Variants in LRRC40 observed in about 807,000 individuals in gnomAD.
The protein encoded by LRRC40 is leucine rich repeat containing 40.
Under a neutral mutation model 72.8 loss-of-function variants are expected in LRRC40, and 76 were observed. That is an observed-to-expected ratio of 1.04 (90% CI 0.87 to 1.26). LRRC40 has a LOEUF of 1.26. Ranked by LOEUF, LRRC40 falls within the 50% of genes most tolerant of loss-of-function variation. The probability of loss-of-function intolerance (pLI) is 0.00; values close to 1 mark genes in which losing one functional copy is unlikely to be tolerated. For synonymous variants in LRRC40, 243 were observed against 254.2 expected, an observed-to-expected ratio of 0.96 and a Z score of 0.42; for missense variants, 684 against 698.9, an observed-to-expected ratio of 0.98 and a Z score of 0.24.
intron 1 of LRRC40, among the ~76,000 whole-genome samples, chr1:70,192,653 T>C (rs1383309481): frequency 2.6e-5 from 4 of 152,172 alleles, no homozygotes; most frequent in African/African-American, 9.6e-5. Flanking sequence ...AACAAGATCA[T>C]GCCTTTTTCA....
intron 1 of LRRC40, among the ~76,000 whole-genome samples, chr1:70,197,266 A>G: frequency 6.6e-6 from 1 of 151,394 alleles, no homozygotes; most frequent in African/African-American, 2.4e-5. Flanking sequence ...GGGGAGGAAG[A>G]TGTATAGATG....
At position 70,145,729 on chromosome 1, in the gene LRRC40, C is replaced by T. The variant is rs1252995530; in HGVS notation, c.*71G>A. 2 of 769,808 alleles carry T rather than the reference C, an allele frequency of 2.6e-6. No homozygotes were observed. Among genetic ancestry groups the T allele is most frequent in the East Asian group, 2.7e-5 (1 of 37,370 alleles). The allele number at this position is 769,808 out of a possible 1,614,324, so 47.7% of individuals were successfully genotyped here. A position where few individuals can be genotyped will look rare whatever the true frequency, so the allele number is the denominator to read the frequency against. ...ATCACCTTTTAAGATGATACTAAAA[C>T]AAATGTTACATCCTCCTTAGAATTA... On this transcript the variant is annotated 3_prime_UTR_variant, in exon 15 of 15. Coordinates refer to ENST00000370952, the MANE Select transcript of LRRC40 (RefSeq NM_017768.5).
At chr1:70,173,309 T>C (rs181080100) in intron 9 of LRRC40, among the ~76,000 whole-genome samples, 156 bp downstream of exon 9, 2 of 152,198 alleles carry the variant, frequency 1.3e-5, no homozygotes, top group Admixed American at 6.5e-5. Flanking sequence ...AACCTCAGCA[T>C]ACTTACAGAC....
rs764615988 is a variant in LRRC40 at position 70,189,266 on chromosome 1, C to T, written c.159G>A (p.Gln53=). The T allele has an allele frequency of 6.3e-7, 1 of 1,577,654 alleles. No homozygotes were observed. Among genetic ancestry groups the T allele is most frequent in the Non-Finnish European group, 8.6e-7 (1 of 1,158,106 alleles). Residue 53 remains glutamine (Q), a synonymous_variant, in exon 2 of 15, where the codon CAG becomes CAA. Transcript: ENST00000370952. ...LSGRNLSEVP[Q]CVWRINVDIP... ...TATCCACATTTATTCTCCAGACACA[C>T]TGCGGCACTAGTTCCATCAGCACCA...
At chr1:70,166,873 T>TA (rs1667891853) in intron 9 of LRRC40, among the ~76,000 whole-genome samples, 1 of 149,090 alleles carries the variant, frequency 6.7e-6, no homozygotes. Context: ...AATCCTGTTC[T>TA]AAAAAAATTT....
intron 1 of LRRC40, among the ~76,000 whole-genome samples, chr1:70,194,094 AAAG>A (rs1668558701): frequency 6.6e-6 from 1 of 152,088 alleles, no homozygotes; most frequent in African/African-American, 2.4e-5. Flanking sequence ...AGTAAGACAA[AAAG>A]AAGAAAAAGA....
chr1:70,197,421 G>A (rs1255870690), intron 1 of LRRC40, among the ~76,000 whole-genome samples: 1 of 151,888 alleles, frequency 6.6e-6, no homozygotes, highest in Non-Finnish European at 1.5e-5. Context: ...AGAACTATGA[G>A]GACTACAGGC....
chr1:70,185,127 C>T (rs555525102), intron 3 of LRRC40, among the ~76,000 whole-genome samples: 3 of 152,110 alleles, frequency 2.0e-5, no homozygotes, highest in South Asian at 4.2e-4. Flanking sequence ...AGAAAAATAA[C>T]AAAGAAATAA....
chr1:70,164,558 G>C (rs1667838368), intron 9 of LRRC40, among the ~76,000 whole-genome samples: 1 of 152,092 alleles, frequency 6.6e-6, no homozygotes, highest in South Asian at 2.1e-4. Context: ...GCACCCACTG[G>C]GGAATTTTAC....
Position 70,145,743 on chromosome 1 carries a change from T to C in LRRC40, c.*57A>G. ...TGATACTAAAACAAATGTTACATCC[T>C]CCTTAGAATTAACCAGGGTTAATAA... On this transcript the variant is annotated 3_prime_UTR_variant, in exon 15 of 15. Transcript: ENST00000370952. The C allele has an allele frequency of 1.2e-6, 1 of 844,270 alleles. No individual in the cohort carries two copies. The highest frequency in any genetic ancestry group is 2.6e-5 in the East Asian group (1 of 38,234). 52.3% of individuals were successfully genotyped at this position (844,270 alleles called of 1,614,324 possible).
intron 1 of LRRC40, among the ~76,000 whole-genome samples, chr1:70,195,927 C>T (rs1385918253): frequency 6.6e-6 from 1 of 152,124 alleles, no homozygotes; most frequent in East Asian, 1.9e-4. Flanking sequence ...TGAGCCACCA[C>T]GCCAGGACCT....
chr1:70,178,774 G>T, intron 6 of LRRC40, 77 bp downstream of exon 6: 2 of 925,312 alleles, frequency 2.2e-6, no homozygotes, highest in Non-Finnish European at 3.1e-6. Context: ...TGTAAAACAA[G>T]ATTAGCTCCT....
chr1:70,189,670 A>ACATATAACTTAGTATAT (rs759513239), intron 1 of LRRC40, among the ~76,000 whole-genome samples: 44 of 152,240 alleles, frequency 2.9e-4, no homozygotes, highest in Non-Finnish European at 5.3e-4. Context: ...TAACTTTTAT[A>ACATATAACTTAGTATAT]ACAGAAGTAT....
In LRRC40 at chr1:70,205,561, A is replaced by T; in HGVS notation, c.-21T>A. ...GACATGTTCAAAGTCCTAGGTCCAG[A>T]AGCTGCAGCCCCACCCGTGACGCTT... On this transcript the variant is annotated 5_prime_UTR_variant, in exon 1 of 15. Coordinates refer to ENST00000370952, the MANE Select transcript of LRRC40 (RefSeq NM_017768.5). 6.4e-7 allele frequency: 1 copy of T among 1,572,548 alleles called. No individual in the cohort carries two copies. Among genetic ancestry groups the T allele is most frequent in the Non-Finnish European group, 8.7e-7 (1 of 1,148,686 alleles).
chr1:70,181,438 C>T (rs1668244390), intron 4 of LRRC40, among the ~76,000 whole-genome samples: 1 of 152,018 alleles, frequency 6.6e-6, no homozygotes, highest in Admixed American at 6.6e-5. Flanking sequence ...TGGTAGTAGA[C>T]AGGATATAAA....
rs1351653744 is a variant in LRRC40, at chr1:70,188,982, T to C, written c.333+110A>G. 7.3e-6 allele frequency: 6 copies of C among 824,102 alleles called. No homozygotes were observed. In the African/African-American group the frequency reaches 1.0e-4, roughly 14 times the overall value. 51.0% of individuals were successfully genotyped at this position (824,102 alleles called of 1,614,324 possible). ...CTATGCCTAGAATGATAATTTACTA[T>C]CTGTCCTTGCATTACCAACTCAACA... On this transcript the variant is annotated intron_variant, in intron 2 of 14. Transcript: ENST00000370952.
chr1:70,181,313 G>A, intron 4 of LRRC40, 104 bp from the exon 5 acceptor site: 2 of 617,998 alleles, frequency 3.2e-6, no homozygotes, highest in South Asian at 5.8e-5. Flanking sequence ...CAACATAAAA[G>A]AGACTACTTA....
intron 11 of LRRC40, among the ~76,000 whole-genome samples, chr1:70,155,370 G>C (rs1667614089): frequency 6.6e-6 from 1 of 151,888 alleles, no homozygotes; most frequent in Non-Finnish European, 1.5e-5. Flanking sequence ...CATTATGTGA[G>C]AGTATATATA....
chr1:70,194,114 T>C (rs540973021), intron 1 of LRRC40, among the ~76,000 whole-genome samples: 8 of 151,994 alleles, frequency 5.3e-5, no homozygotes, highest in African/African-American at 1.9e-4. Context: ...AAGAAATAAA[T>C]AAAAGAAACA....
Sources: gnomAD v4.1 joint callset for allele counts (sites outside exome capture counted in the v4.1 genomes callset) on GRCh38, gnomAD v4.1.1 for gene constraint, MANE v1.5 for transcripts, NCBI Gene and HGNC (gene_info 2026-07-23, HGNC 2026-07-21) for gene names.